The following METTL15 variants were observed in gnomAD, a reference collection of about 807,000 sequenced individuals.
The protein encoded by METTL15 is methyltransferase 15, mitochondrial 12S rRNA N4-cytidine, also known as 12S rRNA N(4)-cytidine methyltransferase METTL15.
Under a neutral mutation model 38.3 loss-of-function variants are expected in METTL15, and 34 were observed. That is an observed-to-expected ratio of 0.89 (90% confidence interval 0.68 to 1.18). METTL15 has a LOEUF of 1.18. Ranked by LOEUF, METTL15 falls within the 50% of genes most tolerant of loss-of-function variation. METTL15 has a pLI of 0.00. For synonymous variants in METTL15, 162 were observed against 170.9 expected, an observed-to-expected ratio of 0.95 and a Z score of 0.41; for missense variants, 438 against 498.4, an observed-to-expected ratio of 0.88 and a Z score of 1.15.
At chr11:28,205,265 C>A (rs1288904634) in intron 3 of METTL15, among the ~76,000 whole-genome samples, 2 of 139,556 alleles carry the variant, frequency 1.4e-5, no homozygotes, top group African/African-American at 5.3e-5. Flanking sequence ...CCTCCCCCTA[C>A]CCCACAACAG....
intron 6 of METTL15, among the ~76,000 whole-genome samples, chr11:28,470,479 A>G (rs1851294738): frequency 6.6e-6 from 1 of 152,050 alleles, no homozygotes; most frequent in African/African-American, 2.4e-5. Context: ...CCCGCTTCCT[A>G]CTTAAGGGGA....
chr11:28,211,366 C>CTTAAAG (rs1852635008), intron 4 of METTL15, among the ~76,000 whole-genome samples, 168 bp downstream of exon 4: 1 of 151,954 alleles, frequency 6.6e-6, no homozygotes, highest in African/African-American at 2.4e-5. Flanking sequence ...TTTAGTACCA[C>CTTAAAG]TTAAAGTAAT....
At chr11:28,282,547 G>A (rs1856095250) in intron 4 of METTL15, among the ~76,000 whole-genome samples, 1 of 152,116 alleles carries the variant, frequency 6.6e-6, no homozygotes, top group Admixed American at 6.6e-5. Flanking sequence ...TCCATCAAGA[G>A]GTGAAGTCTG....
At chr11:28,423,704 G>C (rs1439826915) in intron 5 of METTL15, among the ~76,000 whole-genome samples, 2 of 152,020 alleles carry the variant, frequency 1.3e-5, no homozygotes, top group South Asian at 4.1e-4. Context: ...CCATAGGCTG[G>C]GAAGGGTAGC....
intron 6 of METTL15, among the ~76,000 whole-genome samples, chr11:28,503,871 G>A (rs1280810518): frequency 2.0e-5 from 3 of 151,672 alleles, no homozygotes; most frequent in African/African-American, 7.3e-5. Context: ...ATACTGTCCT[G>A]ATAATTTATG....
intron 3 of METTL15, among the ~76,000 whole-genome samples, chr11:28,117,283 A>G (rs200332917): frequency 0.12 from 17,673 of 142,954 alleles, 1,416 homozygotes; most frequent in East Asian, 0.28. Context: ...ATATATATAT[A>G]TATATATATA....
At chr11:28,152,117 C>T (rs1850111260) in intron 3 of METTL15, among the ~76,000 whole-genome samples, 1 of 151,990 alleles carries the variant, frequency 6.6e-6, no homozygotes, top group African/African-American at 2.4e-5. Context: ...ACCACACCTG[C>T]TACTTTATAT....
At chr11:28,470,232 C>T (rs550096717) in intron 6 of METTL15, among the ~76,000 whole-genome samples, 1 of 152,142 alleles carries the variant, frequency 6.6e-6, no homozygotes, top group South Asian at 2.1e-4. Context: ...GTCCTCTTAC[C>T]CCCTTATACT....
downstream of METTL15, among the ~76,000 whole-genome samples, chr11:28,336,570 C>G (rs1009377670): frequency 6.6e-6 from 1 of 152,152 alleles, no homozygotes; most frequent in Non-Finnish European, 1.5e-5. Flanking sequence ...AGGTGGACTA[C>G]ACTCATGCAC....
At chr11:28,506,693 C>T (rs1386821806) in intron 6 of METTL15, among the ~76,000 whole-genome samples, 1 of 148,828 alleles carries the variant, frequency 6.7e-6, no homozygotes, top group African/African-American at 2.5e-5. Context: ...GTGTCAAAAT[C>T]ATGGAGTTTA....
At chr11:28,299,299 G>GT (rs11460980) in intron 6 of METTL15, among the ~76,000 whole-genome samples, 151,570 of 152,140 alleles carry the variant, frequency 1, 75,507 homozygotes, top group Middle Eastern at 1. Flanking sequence ...TGAATGAGAA[G>GT]TTTTCTAGAT....
chr11:28,191,716 C>T (rs930018369), intron 3 of METTL15, among the ~76,000 whole-genome samples: 1 of 151,386 alleles, frequency 6.6e-6, no homozygotes, highest in African/African-American at 2.4e-5. Context: ...AACTTCAAGT[C>T]TGAAATTAGA....
chr11:28,503,442 A>G (rs1487439866), intron 6 of METTL15, among the ~76,000 whole-genome samples: 1 of 152,206 alleles, frequency 6.6e-6, no homozygotes, highest in Non-Finnish European at 1.5e-5. Context: ...TACTGGTGAT[A>G]AAATTGAGGA....
At chr11:28,327,728 A>G (rs143585590) in intron 6 of METTL15, 111 of 167,706 alleles carry the variant, frequency 6.6e-4, no homozygotes, top group African/African-American at 2.4e-3. Flanking sequence ...AAATAAACCA[A>G]TGCTGTTGTT....
chr11:28,496,192 G>A (rs536228445), intron 6 of METTL15, among the ~76,000 whole-genome samples: 1 of 152,332 alleles, frequency 6.6e-6, no homozygotes, highest in South Asian at 2.1e-4. Context: ...TAGCTGGAGA[G>A]GCCTCAGAAT....
intron 4 of METTL15, among the ~76,000 whole-genome samples, chr11:28,233,137 G>A (rs563536567): frequency 5.3e-5 from 8 of 152,030 alleles, no homozygotes; most frequent in East Asian, 3.9e-4. Flanking sequence ...GGCTTAAAAT[G>A]TACATTTGTA....
intron 6 of METTL15, among the ~76,000 whole-genome samples, chr11:28,456,377 AT>A (rs1423978000): frequency 6.6e-6 from 1 of 151,636 alleles, no homozygotes; most frequent in African/African-American, 2.4e-5. Flanking sequence ...CTTGACCGAT[AT>A]TTTGCTCAGG....
chr11:28,349,578 C>T (rs968025517), intron 3 of METTL15, among the ~76,000 whole-genome samples: 1 of 152,134 alleles, frequency 6.6e-6, no homozygotes, highest in African/African-American at 2.4e-5. Context: ...AATTTAATAA[C>T]ACTATTTGCT....
intron 3 of METTL15, among the ~76,000 whole-genome samples, chr11:28,187,930 G>T (rs1004877017): frequency 3.3e-5 from 5 of 150,974 alleles, no homozygotes; most frequent in African/African-American, 9.7e-5. Flanking sequence ...GATATGAAAA[G>T]GTCTTTGGAG....
Sources: gnomAD v4.1 joint callset for allele counts (sites outside exome capture counted in the v4.1 genomes callset) on GRCh38, gnomAD v4.1.1 for gene constraint, MANE v1.5 for transcripts, NCBI Gene and HGNC (gene_info 2026-07-23, HGNC 2026-07-21) for gene names.